MAN1A2: variants seen among roughly 807,000 people sequenced by gnomAD.
MAN1A2 encodes mannosyl-oligosaccharide 1,2-alpha-mannosidase IB.
MAN1A2 carries 26 observed loss-of-function variants against 75.7 expected under a neutral mutation model. The observed-to-expected ratio is 0.34, with a 90% CI of 0.25 to 0.48. MAN1A2 has a LOEUF of 0.48. Ranked by LOEUF, MAN1A2 falls within the 20% of genes least tolerant of loss-of-function variation. The probability of loss-of-function intolerance (pLI) is 0.99; values close to 1 mark genes in which losing one functional copy is unlikely to be tolerated. For missense variants in MAN1A2, 562 were observed against 775.5 expected, an observed-to-expected ratio of 0.72 and a Z score of 3.27; for synonymous variants, 247 against 264.6, an observed-to-expected ratio of 0.93 and a Z score of 0.65.
At chr1:117,423,046 T>C (rs1034388163) in intron 5 of MAN1A2, among the ~76,000 whole-genome samples, 3 of 152,210 alleles carry the variant, frequency 2.0e-5, no homozygotes, top group African/African-American at 7.2e-5. Flanking sequence ...CTTTACTTTA[T>C]TTGTACTTTT....
intron 8 of MAN1A2, among the ~76,000 whole-genome samples, chr1:117,479,173 TGTTTGGTTTTCTGTTCCTGTATA>T (rs1448472127): frequency 6.6e-6 from 1 of 151,706 alleles, no homozygotes; most frequent in Admixed American, 6.6e-5. Flanking sequence ...GAACATATGG[TGTTTGGTTTTCTGTTCCTGTATA>T]GTTTGGTTTT....
intron 1 of MAN1A2, among the ~76,000 whole-genome samples, chr1:117,396,917 A>C (rs1653920399): frequency 1.3e-5 from 2 of 152,034 alleles, no homozygotes; most frequent in Non-Finnish European, 2.9e-5. Context: ...TCTGTTAATG[A>C]AGGTACTAAT....
rs141354192 is a variant in MAN1A2 at position 117,469,233 on chromosome 1, G to A, written c.1168+2806G>A. On this transcript the variant is annotated intron_variant, in intron 8 of 12. Transcript: ENST00000356554. ...CAGAACTCTTTCTCTTCAACGTTGTGTTGAGAAAACTGGATAGCCATGTGA... is the reference window on the plus strand; with the variant it reads ...CAGAACTCTTTCTCTTCAACGTTGTATTGAGAAAACTGGATAGCCATGTGA... 5.8e-3 allele frequency among the ~76,000 whole-genome samples: 880 copies of A among 152,164 alleles called. 12 individuals are homozygous for A. The highest frequency in any genetic ancestry group is 0.02 in the African/African-American group (851 of 41,532).
At chr1:117,417,557 A>ATATATATATATATATATATGTG (rs1214425551) in intron 4 of MAN1A2, among the ~76,000 whole-genome samples, 8 of 140,734 alleles carry the variant, frequency 5.7e-5, no homozygotes, top group African/African-American at 1.9e-4. Context: ...ATATATATAT[A>ATATATATATATATATATATGTG]TGTGATATAT....
chr1:117,517,598 A>G (rs1178421288), intron 12 of MAN1A2, among the ~76,000 whole-genome samples: 1 of 152,122 alleles, frequency 6.6e-6, no homozygotes, highest in Admixed American at 6.6e-5. Flanking sequence ...AAACAAGAGC[A>G]AAAAATAAGA....
rs116805279 is a variant in MAN1A2, at chr1:117,404,128, G to A, written c.559-1421G>A. Among the ~76,000 whole-genome samples the A allele has an allele frequency of 1.2e-3, 190 of 152,124 alleles. 1 individual carries two copies. Among genetic ancestry groups the A allele is most frequent in the Middle Eastern group, 6.8e-3 (2 of 294 alleles). On this transcript the variant is annotated intron_variant, in intron 2 of 12. Transcript: ENST00000356554. ...TTCCTGGGTTAAACTCCACTTTGTC[G>A]TGGTATGGTATCTGTCTTAGATGTT... is the stretch of plus-strand genomic sequence containing the variant.
chr1:117,467,409 T>C (rs539193946), intron 8 of MAN1A2, among the ~76,000 whole-genome samples: 11 of 152,246 alleles, frequency 7.2e-5, no homozygotes, highest in African/African-American at 2.2e-4. Context: ...TGCCCTGGAA[T>C]TGTCTTTTTG....
rs1651923972 is a variant in MAN1A2 at position 117,523,411 on chromosome 1, C to T, written c.*454C>T. 3.0e-6 allele frequency: 1 copy of T among 336,720 alleles called. No individual in the cohort carries two copies. The highest frequency in any genetic ancestry group is 6.0e-6 in the Non-Finnish European group (1 of 166,314). 20.9% of individuals were successfully genotyped at this position (336,720 alleles called of 1,614,324 possible). On this transcript the variant is annotated 3_prime_UTR_variant, in exon 13 of 13. Coordinates refer to ENST00000356554, the MANE Select transcript of MAN1A2 (RefSeq NM_006699.5). The stretch of plus-strand genomic sequence containing the variant: ...TTACATATTGCTTATCACTTTTTCT[C>T]CATTTTAATAATGGAATGAACTAAA...
In MAN1A2 at chr1:117,499,426, G is replaced by A. The variant is rs1651132996; in HGVS notation, c.1549G>A (p.Glu517Lys). The change falls in exon 11 of 13, where the codon GAG (glutamate) becomes AAG (lysine). Residue 517 changes from glutamate (E) to lysine (K), a missense_variant. This residue lies in a region of MAN1A2 where 434 missense variants were observed against 645.7 expected (regional missense o/e 0.67). Coordinates refer to ENST00000356554, the MANE Select transcript of MAN1A2 (RefSeq NM_006699.5). ...PESFKFDGAV[E>K]AVAVRQAEKY... ...ATCATTCAAGTTTGATGGTGCAGTGGAGGCTGTGGCTGTCCGGCAGGCTGA... is the reference window on the plus strand; with the variant it reads ...ATCATTCAAGTTTGATGGTGCAGTGAAGGCTGTGGCTGTCCGGCAGGCTGA... The A allele has an allele frequency of 6.2e-7, 1 of 1,603,860 alleles. No individual in the cohort carries two copies. Among genetic ancestry groups the A allele is most frequent in the Admixed American group, 1.7e-5 (1 of 58,482 alleles).
intron 1 of MAN1A2, among the ~76,000 whole-genome samples, chr1:117,400,326 T>G (rs1647380181): frequency 6.6e-6 from 1 of 150,474 alleles, no homozygotes; most frequent in African/African-American, 2.4e-5. Flanking sequence ...CTAATAACTC[T>G]TTTTTTTTCT....
At chr1:117,368,527 G>A (rs1325015875) in intron 1 of MAN1A2, 42 bp downstream of exon 1, 1 of 1,512,724 alleles carries the variant, frequency 6.6e-7, no homozygotes, top group South Asian at 1.3e-5. Context: ...ATTTGGCAGA[G>A]CAAGGTACGG....
rs2101036167 is a variant in MAN1A2 at position 117,522,948 on chromosome 1, T to C, written c.1917T>C (p.Ala639=). 6.2e-7 allele frequency: 1 copy of C among 1,611,240 alleles called. No homozygotes were observed. The highest frequency in any genetic ancestry group is 8.5e-7 in the Non-Finnish European group (1 of 1,178,388). Residue 639 remains alanine, a synonymous_variant, in exon 13 of 13, where the codon GCT becomes GCC. Coordinates refer to ENST00000356554, the MANE Select transcript of MAN1A2 (RefSeq NM_006699.5). The stretch of plus-strand genomic sequence containing the variant: ...ACACCACACTTTCAGGTAATCCTGC[T>C]GTTCGATGAAAGCAGTTCCAGAAGG... ...LANTTLSGNP[A]VR is the part of the protein sequence containing the mutation.
chr1:117,437,659 C>T (rs1336865439), intron 5 of MAN1A2, among the ~76,000 whole-genome samples: 4 of 152,044 alleles, frequency 2.6e-5, no homozygotes. Context: ...AAATACATTA[C>T]TTATTCATTT....
At chr1:117,402,103 G>T in intron 1 of MAN1A2, 83 bp from the exon 2 acceptor site, 2 of 1,378,588 alleles carry the variant, frequency 1.5e-6, no homozygotes, top group Non-Finnish European at 9.8e-7. Flanking sequence ...GGGTTTAATG[G>T]AGAAACCTTT....
Position 117,440,614 on chromosome 1 carries a change from A to G in MAN1A2, c.856-1617A>G, listed in dbSNP as rs529801732. Among the ~76,000 whole-genome samples the G allele has an allele frequency of 4.6e-5, 7 of 152,222 alleles. No homozygotes were observed. The South Asian group carries it at 8.3e-4, about 18-fold the overall frequency. On this transcript the variant is annotated intron_variant, in intron 5 of 12. Transcript: ENST00000356554. ...TTGTTTTCTTTTAGACCTGTCTACT[A>G]TAACTGTTTATATGTTAATTGCTAT...
Position 117,425,197 on chromosome 1 carries a change from T to C in MAN1A2, c.855+4548T>C, listed in dbSNP as rs567800162. Among the ~76,000 whole-genome samples the C allele has an allele frequency of 7.1e-3, 1,076 of 151,814 alleles. 18 individuals carry two copies. The highest frequency in any genetic ancestry group is 0.025 in the African/African-American group (1,029 of 41,298). ...GGAAGGGGGAAGGATCAGAACTCTA[T>C]CTATAAAAAGATGCAAAGTTTTAAA... On this transcript the variant is annotated intron_variant, in intron 5 of 12. Coordinates refer to ENST00000356554, the MANE Select transcript of MAN1A2 (RefSeq NM_006699.5).
chr1:117,402,517 G>GT (rs1647473624), intron 2 of MAN1A2, 76 bp downstream of exon 2: 3 of 1,381,880 alleles, frequency 2.2e-6, no homozygotes, highest in Non-Finnish European at 2.0e-6. Flanking sequence ...ATAATCTATG[G>GT]TATCCTGTTT....
At chr1:117,461,903 C>G (rs560028002) in intron 7 of MAN1A2, among the ~76,000 whole-genome samples, 2 of 152,154 alleles carry the variant, frequency 1.3e-5, no homozygotes, top group South Asian at 4.2e-4. Context: ...AGTAAAGAAA[C>G]ATTCTAGACA....
intron 1 of MAN1A2, among the ~76,000 whole-genome samples, chr1:117,400,110 C>A (rs1647370629): frequency 6.6e-6 from 1 of 152,072 alleles, no homozygotes; most frequent in Admixed American, 6.5e-5. Flanking sequence ...CTGAACAGAT[C>A]AGCCCTCATG....
Sources: gnomAD v4.1 joint callset for allele counts (sites outside exome capture counted in the v4.1 genomes callset) on GRCh38, gnomAD v4.1.1 for gene constraint, gnomAD v4.1.1 regional missense constraint, MANE v1.5 for transcripts, NCBI Gene and HGNC (gene_info 2026-07-23, HGNC 2026-07-21) for gene names.